CNIH3: variants seen among roughly 807,000 people sequenced by gnomAD.
CNIH3 encodes protein cornichon homolog 3.
CNIH3 carries 14 observed loss-of-function variants against 24.1 expected under a neutral mutation model. The ratio of observed to expected loss-of-function variants is 0.58; its 90% confidence interval spans 0.38 to 0.91. The LOEUF is 0.91. Among genes scored for constraint, CNIH3 ranks in the 40% least tolerant of loss-of-function variants. The probability of loss-of-function intolerance (pLI) is 0.00; values close to 1 mark genes in which losing one functional copy is unlikely to be tolerated. For missense variants in CNIH3, 178 were observed against 196.8 expected (o/e 0.90, Z 0.57); for synonymous variants, 68 against 73.8 (o/e 0.92, Z 0.40).
In CNIH3 at chr1:224,703,268, A is replaced by G. The variant is rs1250319156; in HGVS notation, c.198+18425A>G. On this transcript the variant is annotated intron_variant, in intron 3 of 5. Coordinates refer to ENST00000272133, the MANE Select transcript of CNIH3 (RefSeq NM_152495.2). The surrounding 1 kb of genome is among the most constrained non-coding windows in gnomAD (Gnocchi z 4.2). ...GAGGGCAGAGGGCTGGCCAAGGTAG[A>G]CGTGACCACCGGACCAGCTGAGCCA... Among the ~76,000 whole-genome samples, 4 of 152,144 alleles carry G rather than the reference A, an allele frequency of 2.6e-5. No homozygotes were observed. The highest frequency in any genetic ancestry group is 5.9e-5 in the Non-Finnish European group (4 of 68,030).
chr1:224,566,478 C>T (rs746041823), intron 4 of CNIH3, among the ~76,000 whole-genome samples: 3 of 151,946 alleles, frequency 2.0e-5, no homozygotes, highest in Non-Finnish European at 4.4e-5. Flanking sequence ...CCCATCAACC[C>T]GTCATCTACA....
chr1:224,491,223 G>A (rs867475030), intron 1 of CNIH3, among the ~76,000 whole-genome samples: 7 of 152,130 alleles, frequency 4.6e-5, no homozygotes, highest in Non-Finnish European at 8.8e-5. Context: ...GCTTCTATGA[G>A]GTTTCGTTTG....
intron 1 of CNIH3, among the ~76,000 whole-genome samples, chr1:224,658,159 T>C (rs1685186219): frequency 6.6e-6 from 1 of 152,266 alleles, no homozygotes; most frequent in Admixed American, 6.5e-5. Flanking sequence ...AAAGACTGAA[T>C]GTATGTATTT....
intron 1 of CNIH3, among the ~76,000 whole-genome samples, chr1:224,490,350 A>C (rs951148362): frequency 3.9e-5 from 6 of 152,180 alleles, no homozygotes; most frequent in Admixed American, 3.9e-4. Flanking sequence ...TCAGGGTTTC[A>C]TATTTTGGGG....
intron 3 of CNIH3, among the ~76,000 whole-genome samples, chr1:224,561,555 A>G (rs1680373418): frequency 6.6e-6 from 1 of 152,186 alleles, no homozygotes; most frequent in Admixed American, 6.5e-5. Context: ...AGCTGGGCCA[A>G]TTCTGCTCGA....
chr1:224,477,118 G>A, intron 1 of CNIH3, among the ~76,000 whole-genome samples: 1 of 152,156 alleles, frequency 6.6e-6, no homozygotes, highest in East Asian at 1.9e-4. Context: ...GCCTCCCCAT[G>A]AGCCTCCCCA....
intron 1 of CNIH3, among the ~76,000 whole-genome samples, chr1:224,677,343 G>A (rs1686187559): frequency 6.6e-6 from 1 of 152,230 alleles, no homozygotes. Context: ...AGACTAGGAA[G>A]TTGGTGAGGA....
At chr1:224,621,414 G>T (rs1378656541) in intron 1 of CNIH3, among the ~76,000 whole-genome samples, 1 of 152,106 alleles carries the variant, frequency 6.6e-6, no homozygotes, top group East Asian at 1.9e-4. Flanking sequence ...TAGGATGCTT[G>T]GGGTTGACAA....
At chr1:224,678,557 G>A (rs865799907) in intron 1 of CNIH3, among the ~76,000 whole-genome samples, 1 of 152,094 alleles carries the variant, frequency 6.6e-6, no homozygotes, top group Non-Finnish European at 1.5e-5. Context: ...AACAATGGTT[G>A]GAGAGATTTA....
rs2125096436 is a variant in CNIH3 at position 224,644,578 on chromosome 1, G to A, written c.81+27323G>A. Among the ~76,000 whole-genome samples the A allele has an allele frequency of 3.9e-5, 6 of 152,272 alleles. No homozygotes were observed. In the East Asian group the frequency reaches 1.2e-3, roughly 29 times the overall value. ...TTCTACAAATCAAGGGAGCAAAAAAGCATCCCTATGACCCTTATACCTTTA... is the reference window on the plus strand; with the variant it reads ...TTCTACAAATCAAGGGAGCAAAAAAACATCCCTATGACCCTTATACCTTTA... On this transcript the variant is annotated intron_variant, in intron 1 of 5. Coordinates refer to ENST00000272133, the MANE Select transcript of CNIH3 (RefSeq NM_152495.2).
At chr1:224,500,515 T>C (rs545118781) in intron 1 of CNIH3, among the ~76,000 whole-genome samples, 1 of 152,062 alleles carries the variant, frequency 6.6e-6, no homozygotes, top group African/African-American at 2.4e-5. Context: ...CTACCAAAAA[T>C]ACAAAAACTT....
At chr1:224,729,241 T>C (rs1689192116) in intron 3 of CNIH3, among the ~76,000 whole-genome samples, 1 of 151,916 alleles carries the variant, frequency 6.6e-6, no homozygotes, top group African/African-American at 2.4e-5. Context: ...TGAAACCCCC[T>C]TTCTACTGAA....
At position 224,616,822 on chromosome 1, in the gene CNIH3, C is replaced by T; in HGVS notation, c.-353C>T. The T allele has an allele frequency of 9.0e-7, 1 of 1,107,396 alleles. No individual in the cohort carries two copies. Among genetic ancestry groups the T allele is most frequent in the Non-Finnish European group, 1.1e-6 (1 of 907,910 alleles). The allele number at this position is 1,107,396 out of a possible 1,614,324, so 68.6% of individuals were successfully genotyped here. On this transcript the variant is annotated 5_prime_UTR_variant, in exon 1 of 6. Transcript: ENST00000272133. ...CTCCTCCCTCGGTCCTCCGTGGAGT[C>T]GTCGCATCGCTTGTCGTGTTGGTCT...
intron 3 of CNIH3, among the ~76,000 whole-genome samples, chr1:224,608,184 T>C (rs1682514826): frequency 2.0e-5 from 3 of 152,084 alleles, no homozygotes; most frequent in Admixed American, 1.3e-4. Flanking sequence ...AAAGTACATT[T>C]GAAAGAGGGC....
intron 1 of CNIH3, among the ~76,000 whole-genome samples, chr1:224,476,546 ACT>A (rs1227570577): frequency 1.3e-5 from 2 of 152,222 alleles, no homozygotes; most frequent in Non-Finnish European, 2.9e-5. Context: ...AGCGAGCTGC[ACT>A]TTTTTTGTCT....
intron 2 of CNIH3, chr1:224,521,438 T>C (rs1678625416): frequency 6.6e-6 from 1 of 152,160 alleles, no homozygotes; most frequent in African/African-American, 2.4e-5. Flanking sequence ...ACCTGCCCAG[T>C]CTCCATTGTG....
intron 1 of CNIH3, among the ~76,000 whole-genome samples, chr1:224,670,047 G>T (rs1040996304): frequency 1.4e-4 from 22 of 152,144 alleles, no homozygotes; most frequent in Admixed American, 1.4e-3. Flanking sequence ...TTGAGGTAGA[G>T]ATTATTCTCA....
At chr1:224,647,413 T>C (rs1350689522) in intron 1 of CNIH3, among the ~76,000 whole-genome samples, 1 of 152,222 alleles carries the variant, frequency 6.6e-6, no homozygotes, top group African/African-American at 2.4e-5. Flanking sequence ...TCTGGCTTGC[T>C]TGTCCATGGA....
chr1:224,485,061 T>C (rs937923578), intron 1 of CNIH3, among the ~76,000 whole-genome samples: 10 of 152,230 alleles, frequency 6.6e-5, no homozygotes, highest in Non-Finnish European at 1.5e-4. Flanking sequence ...TATTGAGTGC[T>C]GGGCATTTTT....
Sources: gnomAD v4.1 joint callset for allele counts (sites outside exome capture counted in the v4.1 genomes callset) on GRCh38, gnomAD v4.1.1 for gene constraint, Gnocchi (gnomAD v3.1) non-coding constraint, MANE v1.5 for transcripts, NCBI Gene and HGNC (gene_info 2026-07-23, HGNC 2026-07-21) for gene names.